The following NPTX2 variants were observed in gnomAD, a reference collection of about 807,000 sequenced individuals.
NPTX2 encodes neuronal pentraxin 2.
NPTX2 carries 23 observed loss-of-function variants against 38.1 expected under a neutral mutation model. The observed-to-expected ratio is 0.60, with a 90% CI of 0.43 to 0.85. The LOEUF is 0.85. NPTX2 is among the 40% of genes least tolerant of loss of function. NPTX2 has a pLI of 0.00. For missense variants in NPTX2, 553 were observed against 615.3 expected (o/e 0.90, Z 1.07); for synonymous variants, 291 against 287.3 (o/e 1.01, Z -0.13).
chr7:98,627,047 G>C, intron 3 of NPTX2, 118 bp from the exon 4 acceptor site: 1 of 662,090 alleles, frequency 1.5e-6, no homozygotes, highest in East Asian at 2.7e-5. Flanking sequence ...CATGACCCCG[G>C]TGACAGGAGG....
At chr7:98,620,235 C>T (rs1260574735) in intron 2 of NPTX2, 8 of 235,686 alleles carry the variant, frequency 3.4e-5, no homozygotes, top group East Asian at 1.8e-4. Flanking sequence ...ATTCAGATTG[C>T]GTCATCAACC....
intron 1 of NPTX2, among the ~76,000 whole-genome samples, chr7:98,618,594 G>GT (rs1791220133): frequency 3.7e-4 from 4 of 10,752 alleles, no homozygotes; most frequent in Admixed American, 8.9e-4. Context: ...CTCCCCCTCC[G>GT]TCCCCCCCCC....
At chr7:98,621,053 G>C (rs971951762) in intron 2 of NPTX2, among the ~76,000 whole-genome samples, 4 of 152,154 alleles carry the variant, frequency 2.6e-5, no homozygotes, top group Non-Finnish European at 5.9e-5. Context: ...GGCCCAAAGT[G>C]GGTCCTGGGC....
At position 98,628,486 on chromosome 7, in the gene NPTX2, G is replaced by C. The variant is rs371914516; in HGVS notation, c.1153G>C (p.Ala385Pro). The change falls in exon 5 of 5, where the codon GCA becomes CCA. Residue 385 changes from alanine to proline, a missense_variant. Ala to Pro is a conservative substitution (Grantham distance 27). Transcript: ENST00000265634. ...QFNIWDRVLR[A>P]QEIVNIANCS... Reference sequence around the variant, plus strand: ...CAACATATGGGACCGCGTCCTTCGCGCACAAGAAATTGTCAACATCGCCAA... The same window carrying C: ...CAACATATGGGACCGCGTCCTTCGCCCACAAGAAATTGTCAACATCGCCAA... 1 of 1,610,930 alleles carries C rather than the reference G, an allele frequency of 6.2e-7. No individual in the cohort carries two copies. Among genetic ancestry groups the C allele is most frequent in the South Asian group, 1.1e-5 (1 of 90,616 alleles).
In NPTX2 at chr7:98,629,392, GGTTCC is replaced by G. The variant is rs1791407416; in HGVS notation, c.*767_*771del. 6.6e-6 allele frequency: 1 copy of G among 152,490 alleles called. No individual in the cohort carries two copies. Among genetic ancestry groups the G allele is most frequent in the Non-Finnish European group, 1.5e-5 (1 of 68,038 alleles). The allele number at this position is 152,490 out of a possible 1,614,324, so 9.4% of individuals were successfully genotyped here. On this transcript the variant is annotated 3_prime_UTR_variant, in exon 5 of 5. Coordinates refer to ENST00000265634, the MANE Select transcript of NPTX2 (RefSeq NM_002523.3). ...GCCTCTCTTCTCATCTGGTGCCAAA[GGTTCC>G]GTTGCAGCTTTTTACAACCATCCGG...
Position 98,619,734 on chromosome 7 carries a change from T to G in NPTX2, c.518T>G (p.Leu173Arg). The G allele has an allele frequency of 6.2e-7, 1 of 1,613,314 alleles. No individual in the cohort carries two copies. The highest frequency in any genetic ancestry group is 8.5e-7 in the Non-Finnish European group (1 of 1,180,028). Residue 173 changes from leucine (L) to arginine (R), a missense_variant, in exon 2 of 5, where the codon CTT becomes CGT. Coordinates refer to ENST00000265634, the MANE Select transcript of NPTX2 (RefSeq NM_002523.3). The stretch of plus-strand genomic sequence containing the variant: ...CGGCTGGGGGAGCTGGAGAGGCAGC[T>G]TCTGCGCAAGGTGGCAGAGCTGGAG... ...QQRLGELERQ[L>R]LRKVAELEDE...
chr7:98,619,730 C>A lies in NPTX2; in HGVS notation c.514C>A (p.Gln172Lys). Reference sequence around the variant, plus strand: ...GCAGCGGCTGGGGGAGCTGGAGAGGCAGCTTCTGCGCAAGGTGGCAGAGCT... The same window carrying A: ...GCAGCGGCTGGGGGAGCTGGAGAGGAAGCTTCTGCGCAAGGTGGCAGAGCT... ...LQQRLGELER[Q>K]LLRKVAELED... Residue 172 changes from glutamine to lysine, a missense_variant, in exon 2 of 5, where the codon CAG becomes AAG. By Grantham distance (53) the Gln-to-Lys change is moderately conservative. Coordinates refer to ENST00000265634, the MANE Select transcript of NPTX2 (RefSeq NM_002523.3). The A allele has an allele frequency of 1.9e-6, 3 of 1,613,276 alleles. No individual in the cohort carries two copies. Among genetic ancestry groups the A allele is most frequent in the Non-Finnish European group, 2.5e-6 (3 of 1,180,020 alleles).
At chr7:98,621,666 G>A (rs1791272097) in intron 2 of NPTX2, among the ~76,000 whole-genome samples, 1 of 152,182 alleles carries the variant, frequency 6.6e-6, no homozygotes, top group African/African-American at 2.4e-5. Context: ...ACAGGCAGGG[G>A]GCCTTGGTGG....
At chr7:98,620,609 A>G (rs1295420923) in intron 2 of NPTX2, among the ~76,000 whole-genome samples, 1 of 152,102 alleles carries the variant, frequency 6.6e-6, no homozygotes, top group Non-Finnish European at 1.5e-5. Flanking sequence ...TTTCCAAAAA[A>G]TCTTCCTTTC....
chr7:98,617,723 A>T lies in NPTX2; in HGVS notation c.262A>T (p.Thr88Ser). Residue 88 changes from threonine (T) to serine (S), a missense_variant, in exon 1 of 5, where the codon ACG becomes TCG. Transcript: ENST00000265634. ...GCAGCGCGAGGCCATCCGCGAGCTC[A>T]CGGGCAAGCTAGCGCGCTGCGAGGG... ...GAQREAIREL[T>S]GKLARCEGLA... The T allele has an allele frequency of 7.0e-7, 1 of 1,429,746 alleles. No individual in the cohort carries two copies. The highest frequency in any genetic ancestry group is 9.1e-7 in the Non-Finnish European group (1 of 1,103,670). The allele number at this position is 1,429,746 out of a possible 1,614,324, so 88.6% of individuals were successfully genotyped here.
At chr7:98,618,595 T>TCCCCCCCCCCCCCCCCCC (rs1221869556) in intron 1 of NPTX2, among the ~76,000 whole-genome samples, 16 of 29,128 alleles carry the variant, frequency 5.5e-4, no homozygotes, top group South Asian at 1.3e-3. Flanking sequence ...TCCCCCTCCG[T>TCCCCCCCCCCCCCCCCCC]CCCCCCCCCC....
intron 3 of NPTX2, among the ~76,000 whole-genome samples, chr7:98,625,585 T>C (rs1012595117): frequency 6.6e-6 from 1 of 152,114 alleles, no homozygotes. Context: ...TCTAGAGATA[T>C]AATTTACATA....
In NPTX2 at chr7:98,627,179, CCT is replaced by C; in HGVS notation, c.904_905del (p.Leu302ValfsTer4). The C allele has an allele frequency of 1.2e-6, 2 of 1,613,400 alleles. No individual in the cohort carries two copies. Among genetic ancestry groups the C allele is most frequent in the Non-Finnish European group, 1.7e-6 (2 of 1,179,482 alleles). On this transcript the variant is annotated frameshift_variant, in exon 4 of 5. Transcript: ENST00000265634. LOFTEE classifies it high-confidence loss of function. ...LINDKVAQLP[L>X]FVSDGKWHHI... ...GCTGCTCACAGGTTGCGCAGCTGCC[CCT>C]GTTTGTCAGTGACGGCAAGTGGCAC...
chr7:98,627,534 C>A (rs988309132), intron 4 of NPTX2, among the ~76,000 whole-genome samples, 190 bp downstream of exon 4: 1 of 152,160 alleles, frequency 6.6e-6, no homozygotes, highest in Non-Finnish European at 1.5e-5. Flanking sequence ...ACAGCCAGGT[C>A]GGGGGAGTGA....
chr7:98,621,009 C>A (rs183125906), intron 2 of NPTX2, among the ~76,000 whole-genome samples: 1 of 152,202 alleles, frequency 6.6e-6, no homozygotes, highest in Admixed American at 6.5e-5. Flanking sequence ...AAAAAGACTC[C>A]GTTCTCAGTG....
rs748144643 is a variant in NPTX2, at chr7:98,627,221, C to T, written c.945C>T (p.Thr315=). The T allele has an allele frequency of 1.4e-5, 22 of 1,613,440 alleles. No individual in the cohort carries two copies. Among genetic ancestry groups the T allele is most frequent in the Admixed American group, 5.0e-5 (3 of 60,010 alleles). Residue 315 remains threonine, a synonymous_variant, in exon 4 of 5, where the codon ACC becomes ACT. Coordinates refer to ENST00000265634, the MANE Select transcript of NPTX2 (RefSeq NM_002523.3). ...SDGKWHHICV[T]WTTRDGMWEA... ...GCAAGTGGCACCACATCTGTGTCAC[C>T]TGGACGACACGGGATGGCATGTGGG...
chr7:98,622,387 C>T (rs538594681), intron 2 of NPTX2, among the ~76,000 whole-genome samples: 2 of 152,340 alleles, frequency 1.3e-5, no homozygotes, highest in South Asian at 2.1e-4. Context: ...ATTACCCACA[C>T]GGAGTCGTAT....
intron 1 of NPTX2, 81 bp downstream of exon 1, chr7:98,617,968 A>C: frequency 7.0e-7 from 1 of 1,425,050 alleles, no homozygotes; most frequent in Non-Finnish European, 9.4e-7. Flanking sequence ...AGGATGGGGA[A>C]AGGGGGCCTG....
At chr7:98,626,039 G>A (rs532577196) in intron 3 of NPTX2, among the ~76,000 whole-genome samples, 28 of 151,790 alleles carry the variant, frequency 1.8e-4, no homozygotes, top group African/African-American at 5.8e-4. Context: ...CCAGCTACTC[G>A]GGAGGCTGAG....
Sources: gnomAD v4.1 joint callset for allele counts (sites outside exome capture counted in the v4.1 genomes callset) on GRCh38, gnomAD v4.1.1 for gene constraint, MANE v1.5 for transcripts, NCBI Gene and HGNC (gene_info 2026-07-23, HGNC 2026-07-21) for gene names.